ADGRD1: variants seen among roughly 807,000 people sequenced by gnomAD.
The protein encoded by ADGRD1 is adhesion G protein-coupled receptor D1.
ADGRD1 carries 77 observed loss-of-function variants against 113.4 expected under a neutral mutation model. The ratio of observed to expected loss-of-function variants is 0.68; its 90% confidence interval spans 0.57 to 0.82. The LOEUF is 0.82. ADGRD1 is among the 40% of genes least tolerant of loss of function. The pLI is 0.00. For synonymous variants in ADGRD1, 474 were observed against 475.0 expected (o/e 1.00, Z 0.03); for missense variants, 1,036 against 1,139.1 (o/e 0.91, Z 1.30).
rs1352241986 is a variant in ADGRD1, at chr12:131,114,950, T to G, written c.2042-3435T>G. Reference sequence around the variant, plus strand: ...GAGGTGAAGAGAATGTAACTCGTTTTATTTTTCTTTATTGCAACTTAGTTT... The same window carrying G: ...GAGGTGAAGAGAATGTAACTCGTTTGATTTTTCTTTATTGCAACTTAGTTT... On this transcript the variant is annotated intron_variant, in intron 18 of 24. Coordinates refer to ENST00000261654, the MANE Select transcript of ADGRD1 (RefSeq NM_198827.5). Among the ~76,000 whole-genome samples, 7 of 152,220 alleles carry G rather than the reference T, an allele frequency of 4.6e-5. No individual in the cohort carries two copies. In the East Asian group the frequency reaches 1.3e-3, roughly 29 times the overall value.
At chr12:131,005,759 CAG>C (rs111808973) in intron 11 of ADGRD1, among the ~76,000 whole-genome samples, 9,188 of 149,860 alleles carry the variant, frequency 0.061, 380 homozygotes, top group African/African-American at 0.12. Flanking sequence ...GGAGCTGGCT[CAG>C]GGGATGGAGC....
intron 13 of ADGRD1, among the ~76,000 whole-genome samples, chr12:131,039,618 CCT>C (rs1194392730): frequency 6.6e-6 from 1 of 152,192 alleles, no homozygotes; most frequent in African/African-American, 2.4e-5. Context: ...TGAAGGCTTT[CCT>C]CTCTGAGTGC....
chr12:131,063,665 C>T (rs1884508985), intron 13 of ADGRD1, among the ~76,000 whole-genome samples: 1 of 152,206 alleles, frequency 6.6e-6, no homozygotes, highest in Non-Finnish European at 1.5e-5. Flanking sequence ...GTCTTGATTA[C>T]TGTAGCTGTG....
intron 15 of ADGRD1, among the ~76,000 whole-genome samples, chr12:131,091,094 G>A (rs12367096): frequency 0.26 from 39,313 of 151,998 alleles, 5,938 homozygotes; most frequent in South Asian, 0.44. Context: ...CCCCAGGCCT[G>A]ATTTCTGCCC....
At chr12:131,123,121 A>G (rs1360692791) in intron 20 of ADGRD1, among the ~76,000 whole-genome samples, 3 of 120,142 alleles carry the variant, frequency 2.5e-5, no homozygotes, top group Non-Finnish European at 4.8e-5. Flanking sequence ...CAGTGGCACG[A>G]TCTTGGCTTA....
intron 18 of ADGRD1, among the ~76,000 whole-genome samples, chr12:131,110,337 C>A (rs910027213): frequency 7.2e-6 from 1 of 139,290 alleles, no homozygotes; most frequent in African/African-American, 2.5e-5. Context: ...CACTTTAATT[C>A]TCTTAATGAT....
intron 13 of ADGRD1, among the ~76,000 whole-genome samples, chr12:131,052,606 G>T (rs1396739037): frequency 6.7e-6 from 1 of 149,686 alleles, no homozygotes; most frequent in South Asian, 2.2e-4. Flanking sequence ...AAAATGCACG[G>T]ATTGGCTTAG....
At chr12:131,093,373 T>TA (rs1887041528) in intron 15 of ADGRD1, among the ~76,000 whole-genome samples, 1 of 152,122 alleles carries the variant, frequency 6.6e-6, no homozygotes, top group Non-Finnish European at 1.5e-5. Context: ...AAGGGCACCG[T>TA]GGGGGCACAC....
At chr12:131,001,347 A>G (rs1489973996) in intron 9 of ADGRD1, among the ~76,000 whole-genome samples, 2 of 152,362 alleles carry the variant, frequency 1.3e-5, no homozygotes, top group Non-Finnish European at 2.9e-5. Flanking sequence ...AAGTTAGAAA[A>G]TGCAGATAAT....
chr12:130,959,274 G>A (rs891766678), intron 2 of ADGRD1, among the ~76,000 whole-genome samples: 2 of 152,160 alleles, frequency 1.3e-5, no homozygotes, highest in South Asian at 2.1e-4. Context: ...TAGGAGACAC[G>A]CAATAAATAT....
At chr12:131,061,423 C>T (rs759611126) in intron 13 of ADGRD1, among the ~76,000 whole-genome samples, 8 of 152,350 alleles carry the variant, frequency 5.3e-5, no homozygotes, top group Middle Eastern at 3.4e-3. Flanking sequence ...AAGCCTCTGG[C>T]TTAATAGTAG....
intron 18 of ADGRD1, among the ~76,000 whole-genome samples, chr12:131,115,260 A>C (rs11061333): frequency 1.3e-5 from 2 of 152,108 alleles, no homozygotes; most frequent in Admixed American, 6.5e-5. Context: ...GCCTCGAGCT[A>C]TGTGAGGGAA....
chr12:131,011,556 G>A (rs997134016), intron 12 of ADGRD1, among the ~76,000 whole-genome samples: 15 of 152,128 alleles, frequency 9.9e-5, no homozygotes, highest in Non-Finnish European at 5.9e-5. Flanking sequence ...GAACCAAACG[G>A]GAAAGCATCC....
chr12:131,003,766 G>A lies in ADGRD1; in HGVS notation c.1145-420G>A, dbSNP rs1876705913. On this transcript the variant is annotated intron_variant, in intron 10 of 24. Transcript: ENST00000261654. This position sits in a 1 kb window ranked among gnomAD's most constrained non-coding sequence, Gnocchi z 4.8. ...ATCCTGCTGATACTTCGCTGCAAGA[G>A]CCGAGCTGGGGAAAATGGGCTGAAG... is the stretch of plus-strand genomic sequence containing the variant. Among the ~76,000 whole-genome samples, 2 of 152,232 alleles carry A rather than the reference G, an allele frequency of 1.3e-5. No individual in the cohort carries two copies. Among genetic ancestry groups the A allele is most frequent in the Non-Finnish European group, 2.9e-5 (2 of 68,046 alleles).
chr12:131,139,052 C>A (rs764716861), intron 24 of ADGRD1, 116 bp from the exon 25 acceptor site: 10 of 732,782 alleles, frequency 1.4e-5, no homozygotes, highest in Non-Finnish European at 1.8e-5. Flanking sequence ...TGCACCTTTC[C>A]TCCCGCAGGG....
At chr12:130,995,272 T>C (rs1458747716) in intron 8 of ADGRD1, among the ~76,000 whole-genome samples, 1 of 151,908 alleles carries the variant, frequency 6.6e-6, no homozygotes, top group African/African-American at 2.4e-5. Context: ...AGCCCAGGTG[T>C]GGGGGCTGGG....
intron 8 of ADGRD1, among the ~76,000 whole-genome samples, chr12:130,992,639 GT>G (rs1280091541): frequency 2.0e-5 from 3 of 152,204 alleles, no homozygotes; most frequent in African/African-American, 7.2e-5. Flanking sequence ...AACCTGCCTG[GT>G]CCCCCCTGTG....
intron 14 of ADGRD1, among the ~76,000 whole-genome samples, chr12:131,079,061 T>G (rs1427736305): frequency 1.3e-5 from 2 of 152,172 alleles, no homozygotes; most frequent in African/African-American, 2.4e-5. Flanking sequence ...TGTTCCTATA[T>G]AGTTTTGCTT....
At chr12:131,062,291 C>T (rs775508510) in intron 13 of ADGRD1, among the ~76,000 whole-genome samples, 7 of 152,204 alleles carry the variant, frequency 4.6e-5, no homozygotes, top group Non-Finnish European at 7.3e-5. Context: ...CCGCGCCTGA[C>T]CAAACCACAA....
Sources: gnomAD v4.1 joint callset for allele counts (sites outside exome capture counted in the v4.1 genomes callset) on GRCh38, gnomAD v4.1.1 for gene constraint, Gnocchi (gnomAD v3.1) non-coding constraint, MANE v1.5 for transcripts, NCBI Gene and HGNC (gene_info 2026-07-23, HGNC 2026-07-21) for gene names.